Variants in APBB2 observed in about 807,000 individuals in gnomAD.
APBB2 encodes the protein amyloid beta precursor protein binding family B member 2.
In APBB2, 38 loss-of-function variants were observed where a neutral mutation model predicts 82.5. That is an observed-to-expected ratio of 0.46 (90% confidence interval 0.36 to 0.60). The LOEUF is 0.60. Among genes scored for constraint, APBB2 ranks in the 20% least tolerant of loss-of-function variants. The pLI is 0.00. For synonymous variants in APBB2, 341 were observed against 368.2 expected, an observed-to-expected ratio of 0.93 and a Z score of 0.85; for missense variants, 772 against 972.3, an observed-to-expected ratio of 0.79 and a Z score of 2.74.
At chr4:40,941,824 A>G (rs2154379012) in intron 7 of APBB2, among the ~76,000 whole-genome samples, 1 of 150,422 alleles carries the variant, frequency 6.6e-6, no homozygotes, top group South Asian at 2.1e-4. Flanking sequence ...TTTTGTAGAG[A>G]TGGGGTCTTG....
At chr4:40,930,011 C>T (rs1370146491) in intron 10 of APBB2, among the ~76,000 whole-genome samples, 2 of 152,120 alleles carry the variant, frequency 1.3e-5, no homozygotes, top group African/African-American at 2.4e-5. Flanking sequence ...GAGGACTACA[C>T]AGAGGAGCAT....
intron 6 of APBB2, among the ~76,000 whole-genome samples, chr4:40,984,338 CAG>C (rs989265071): frequency 2.8e-4 from 42 of 151,834 alleles, no homozygotes; most frequent in Non-Finnish European, 5.0e-4. Flanking sequence ...TGAGTGAGTT[CAG>C]AGTCTTCCTT....
chr4:41,039,076 T>C (rs540815831), intron 4 of APBB2, among the ~76,000 whole-genome samples: 146 of 152,376 alleles, frequency 9.6e-4, no homozygotes, highest in Non-Finnish European at 1.6e-3. Flanking sequence ...AGAAGGAGCT[T>C]TCATTTCTGG....
At position 41,013,849 on chromosome 4, in the gene APBB2, G is replaced by T. The variant is rs146518311; in HGVS notation, c.569C>A (p.Ser190Tyr). ...GGAGGCCTGGCCCTGGACTGGCTGG[G>T]ATTTCTCTTCCGCAGTCCCATGGTG... The part of the protein sequence containing the change: ...GNHHGTAEEK[S>Y]QPVQGQASTI... The change falls in exon 6 of 18, where the codon TCC becomes TAC. Residue 190 changes from serine (S) to tyrosine (Y), a missense_variant. Physicochemically the swap from Ser to Tyr is moderately radical, Grantham distance 144 (BLOSUM62 -2). Coordinates refer to ENST00000508593, the MANE Select transcript of APBB2 (RefSeq NM_004307.2). 3.1e-4 allele frequency: 493 copies of T among 1,614,172 alleles called. 2 individuals are homozygous for T. In the African/African-American group the frequency reaches 5.1e-3, roughly 17 times the overall value.
rs1577713829 is a variant in APBB2 at position 40,826,147 on chromosome 4, C to T, written c.1733-177G>A. ...AGCAGCATTACTCCAGATATTGGGG[C>T]TCTGTTAAAATCCTGTTCAACTTTC... On this transcript the variant is annotated intron_variant, in intron 14 of 17. Coordinates refer to ENST00000508593, the MANE Select transcript of APBB2 (RefSeq NM_004307.2). The surrounding 1 kb of genome is among the most constrained non-coding windows in gnomAD (Gnocchi z 4.5). 4 of 596,756 alleles carry T rather than the reference C, an allele frequency of 6.7e-6. No individual in the cohort carries two copies. In the East Asian group the frequency reaches 1.2e-4, roughly 17 times the overall value. The allele number at this position is 596,756 out of a possible 1,614,324, so 37.0% of individuals were successfully genotyped here.
chr4:41,005,657 C>G (rs987085785), intron 6 of APBB2, among the ~76,000 whole-genome samples: 52 of 152,138 alleles, frequency 3.4e-4, no homozygotes, highest in Non-Finnish European at 7.3e-4. Flanking sequence ...CTGCCACTGT[C>G]CACAGGACCC....
intron 1 of APBB2, among the ~76,000 whole-genome samples, chr4:41,152,004 C>G (rs867665925): frequency 1.3e-4 from 19 of 151,984 alleles, no homozygotes; most frequent in African/African-American, 4.3e-4. Flanking sequence ...TCGTCATGAC[C>G]GTTATATCCT....
chr4:41,098,824 C>G (rs1384617037), intron 3 of APBB2, among the ~76,000 whole-genome samples: 2 of 152,188 alleles, frequency 1.3e-5, no homozygotes, highest in Non-Finnish European at 2.9e-5. Context: ...AATATCTAGA[C>G]CCTGAAGTCC....
intron 2 of APBB2, among the ~76,000 whole-genome samples, chr4:41,105,986 A>T (rs1234602060): frequency 6.6e-6 from 1 of 152,166 alleles, no homozygotes; most frequent in Admixed American, 6.5e-5. Flanking sequence ...ATGAATCTTA[A>T]TTTTTCAAAG....
intron 1 of APBB2, among the ~76,000 whole-genome samples, chr4:41,156,634 G>A (rs1359557375): frequency 6.6e-6 from 1 of 152,228 alleles, no homozygotes; most frequent in African/African-American, 2.4e-5. Context: ...GTCTTTCACA[G>A]AAGATGGAGC....
intron 2 of APBB2, among the ~76,000 whole-genome samples, chr4:41,114,919 T>C (rs1750472658): frequency 6.6e-6 from 1 of 152,240 alleles, no homozygotes; most frequent in South Asian, 2.1e-4. Context: ...ATAGATTCAA[T>C]GCTATCCCCA....
intron 4 of APBB2, among the ~76,000 whole-genome samples, chr4:41,051,192 A>C (rs972640277): frequency 6.6e-6 from 1 of 152,192 alleles, no homozygotes; most frequent in African/African-American, 2.4e-5. Flanking sequence ...TCACACCCAC[A>C]GATTCTTAAG....
intron 2 of APBB2, among the ~76,000 whole-genome samples, chr4:41,141,568 G>T (rs925057253): frequency 6.6e-6 from 1 of 152,184 alleles, no homozygotes; most frequent in Admixed American, 6.5e-5. Context: ...TTCAATAGTT[G>T]CAATAAGAAT....
Position 41,013,682 on chromosome 4 carries a change from C to T in APBB2, c.736G>A (p.Ala246Thr), listed in dbSNP as rs1809042045. 6.2e-7 allele frequency: 1 copy of T among 1,614,234 alleles called. No individual in the cohort carries two copies. The highest frequency in any genetic ancestry group is 8.5e-7 in the Non-Finnish European group (1 of 1,180,048). ...GCCAGGTTCTGGATCCGGTGCAGTG[C>T]ACAGTCGGTTTTGGCCCCTGTTTTC... is the stretch of plus-strand genomic sequence containing the variant. ...HPKTGAKTDC[A>T]LHRIQNLAPS... The change falls in exon 6 of 18, where the codon GCA (alanine) becomes ACA (threonine). Residue 246 changes from alanine (A) to threonine (T), a missense_variant. Transcript: ENST00000508593.
At chr4:40,892,925 G>C (rs1772458116) in intron 11 of APBB2, 1 of 194,724 alleles carries the variant, frequency 5.1e-6, no homozygotes, top group Non-Finnish European at 1.0e-5. Flanking sequence ...TGAGAATACA[G>C]GTCCTTCTTC....
chr4:41,026,617 T>G (rs1714363092), intron 5 of APBB2, among the ~76,000 whole-genome samples: 1 of 152,224 alleles, frequency 6.6e-6, no homozygotes, highest in Admixed American at 6.5e-5. Context: ...CTTCTCTCAT[T>G]TACTGTATCT....
At chr4:40,918,716 T>TCCTTCCTCCCTC (rs1780485062) in intron 10 of APBB2, among the ~76,000 whole-genome samples, 1 of 144,650 alleles carries the variant, frequency 6.9e-6, no homozygotes, top group East Asian at 2.0e-4. Flanking sequence ...CTTCCTTCCT[T>TCCTTCCTCCCTC]CCTTCCTCCC....
At chr4:41,119,734 G>C (rs1752238200) in intron 2 of APBB2, among the ~76,000 whole-genome samples, 1 of 151,248 alleles carries the variant, frequency 6.6e-6, no homozygotes, top group Non-Finnish European at 1.5e-5. Flanking sequence ...TGTAACAAGA[G>C]ACTCCACACT....
At chr4:41,090,649 G>T (rs1741357591) in intron 3 of APBB2, among the ~76,000 whole-genome samples, 1 of 152,138 alleles carries the variant, frequency 6.6e-6, no homozygotes, top group East Asian at 1.9e-4. Flanking sequence ...TAGTAGGGTG[G>T]TTATTTAATT....
Sources: gnomAD v4.1 joint callset for allele counts (sites outside exome capture counted in the v4.1 genomes callset) on GRCh38, gnomAD v4.1.1 for gene constraint, Gnocchi (gnomAD v3.1) non-coding constraint, MANE v1.5 for transcripts, NCBI Gene and HGNC (gene_info 2026-07-23, HGNC 2026-07-21) for gene names.